Variants in TAOK1 observed in about 807,000 individuals in gnomAD.
The protein encoded by TAOK1 is serine/threonine-protein kinase TAO1.
Under a neutral mutation model 138.3 loss-of-function variants are expected in TAOK1, and 21 were observed. That is an observed-to-expected ratio of 0.15 (90% CI 0.11 to 0.22). The LOEUF is 0.22. TAOK1 is among the 10% of genes least tolerant of loss of function. The pLI, the probability that TAOK1 is intolerant of heterozygous loss-of-function variation, is 1.00. For synonymous variants in TAOK1, 361 were observed against 398.4 expected, an observed-to-expected ratio of 0.91 and a Z score of 1.12; for missense variants, 651 against 1,227.7, an observed-to-expected ratio of 0.53 and a Z score of 7.02.
intron 1 of TAOK1, among the ~76,000 whole-genome samples, chr17:29,410,173 G>T (rs1905103068): frequency 1.3e-5 from 2 of 152,160 alleles, no homozygotes; most frequent in Non-Finnish European, 2.9e-5. Context: ...TCAGTTCATT[G>T]TCTGTAAAAT....
At chr17:29,509,734 C>A (rs2031686209) in intron 14 of TAOK1, among the ~76,000 whole-genome samples, 2 of 150,460 alleles carry the variant, frequency 1.3e-5, no homozygotes, top group African/African-American at 4.9e-5. Flanking sequence ...TCTCCACACA[C>A]AAAAAAAATA....
At chr17:29,463,495 C>T (rs887198474) in intron 2 of TAOK1, among the ~76,000 whole-genome samples, 19 of 151,046 alleles carry the variant, frequency 1.3e-4, no homozygotes, top group Middle Eastern at 3.4e-3. Flanking sequence ...CACTTGAACC[C>T]GGGAGGTGGA....
At chr17:29,401,200 C>G (rs1407335682) in intron 1 of TAOK1, among the ~76,000 whole-genome samples, 2 of 152,104 alleles carry the variant, frequency 1.3e-5, no homozygotes, top group African/African-American at 4.8e-5. Flanking sequence ...CAGGTGTAAG[C>G]TATTGTGCTC....
Position 29,496,734 on chromosome 17 carries a change from C to T in TAOK1, c.999+1007C>T, listed in dbSNP as rs369348945. ...TCCCGAATAGCTGGGACTACAGGTG[C>T]GCCACCACGCCCAACTAATTTTTTG... On this transcript the variant is annotated intron_variant, in intron 11 of 19. Coordinates refer to ENST00000261716, the MANE Select transcript of TAOK1 (RefSeq NM_020791.4). Among the ~76,000 whole-genome samples, 4 of 151,268 alleles carry T rather than the reference C, an allele frequency of 2.6e-5. No homozygotes were observed. The East Asian group carries it at 5.9e-4, about 22-fold the overall frequency.
At chr17:29,490,218 T>C (rs1265141104) in intron 9 of TAOK1, among the ~76,000 whole-genome samples, 2 of 152,104 alleles carry the variant, frequency 1.3e-5, no homozygotes, top group African/African-American at 4.8e-5. Flanking sequence ...ATTAAAAATA[T>C]TGGGATCACT....
In TAOK1 at chr17:29,478,246, T is replaced by C; in HGVS notation, c.353-5T>C. On this transcript the variant is annotated splice_region_variant and splice_polypyrimidine_tract_variant and intron_variant, in intron 5 of 19. Transcript: ENST00000261716. ...TGTATTAATTATTTTGAAATAAATTTTAAGTTCACAAAAAGCCATTACAAG... is the reference window on the plus strand; with the variant it reads ...TGTATTAATTATTTTGAAATAAATTCTAAGTTCACAAAAAGCCATTACAAG... The C allele has an allele frequency of 6.3e-7, 1 of 1,585,958 alleles. No homozygotes were observed. The highest frequency in any genetic ancestry group is 1.8e-5 in the Admixed American group (1 of 54,822).
intron 2 of TAOK1, among the ~76,000 whole-genome samples, chr17:29,456,718 A>G (rs1047662207): frequency 6.6e-5 from 10 of 150,412 alleles, no homozygotes; most frequent in Admixed American, 5.9e-4. Context: ...GTTCTCATAT[A>G]GTTCTATTTC....
chr17:29,418,436 C>T (rs1905322591), intron 1 of TAOK1, among the ~76,000 whole-genome samples: 1 of 151,886 alleles, frequency 6.6e-6, no homozygotes, highest in South Asian at 2.1e-4. Flanking sequence ...AACTCCTGAC[C>T]TCAAGTGATC....
At chr17:29,394,150 G>GTTTTGTTTTTTT (rs1904514488) in intron 1 of TAOK1, among the ~76,000 whole-genome samples, 6 of 48,246 alleles carry the variant, frequency 1.2e-4, no homozygotes, top group Non-Finnish European at 1.8e-4. Context: ...TAATTTGCCA[G>GTTTTGTTTTTTT]TTTTTTTTTT....
At position 29,447,364 on chromosome 17, in the gene TAOK1, G is replaced by A. The variant is rs537168145; in HGVS notation, c.-94-4091G>A. 5.3e-5 allele frequency among the ~76,000 whole-genome samples: 8 copies of A among 152,040 alleles called. No homozygotes were observed. The East Asian group carries it at 9.7e-4, about 18-fold the overall frequency. On this transcript the variant is annotated intron_variant, in intron 1 of 19. Transcript: ENST00000261716. ...ATCTTATTATTTGAGACAGGGTCTC[G>A]CTGTGTCACCCAGACTGGAGGGCAA...
chr17:29,528,671 C>T (rs935625330), intron 17 of TAOK1, among the ~76,000 whole-genome samples: 5 of 151,544 alleles, frequency 3.3e-5, no homozygotes, highest in African/African-American at 4.9e-5. Flanking sequence ...GAAACCCTGT[C>T]TCTACTAAAA....
At chr17:29,483,472 G>T (rs1320423998) in intron 8 of TAOK1, among the ~76,000 whole-genome samples, 1 of 152,176 alleles carries the variant, frequency 6.6e-6, no homozygotes, top group Admixed American at 6.5e-5. Flanking sequence ...ACTCGAGTTT[G>T]TCAGTAGTTT....
chr17:29,475,560 A>G, intron 3 of TAOK1, 110 bp from the exon 4 acceptor site: 2 of 729,472 alleles, frequency 2.7e-6, no homozygotes, highest in East Asian at 2.9e-5. Flanking sequence ...AAACCAAGCA[A>G]AGTTGCATGT....
chr17:29,406,138 A>G (rs1052604703), intron 1 of TAOK1, among the ~76,000 whole-genome samples: 2 of 152,140 alleles, frequency 1.3e-5, no homozygotes, highest in Non-Finnish European at 2.9e-5. Flanking sequence ...GATCTGTGCT[A>G]TGCATTATAG....
At chr17:29,508,178 GT>G (rs1245757915) in intron 14 of TAOK1, 46 bp downstream of exon 14, 1 of 1,535,054 alleles carries the variant, frequency 6.5e-7, no homozygotes, top group South Asian at 1.1e-5. Context: ...GGTTTTGAAT[GT>G]CTCAGAATTA....
intron 1 of TAOK1, among the ~76,000 whole-genome samples, chr17:29,396,173 G>GGACT: frequency 6.6e-6 from 1 of 151,936 alleles, no homozygotes. Flanking sequence ...TTGTGTGGAG[G>GGACT]GACTAGCAGC....
chr17:29,444,536 C>T (rs1046973596), intron 1 of TAOK1, among the ~76,000 whole-genome samples: 19 of 152,086 alleles, frequency 1.2e-4, no homozygotes, highest in South Asian at 1.0e-3. Flanking sequence ...TGACTTTTTC[C>T]TGTCTTCTAA....
chr17:29,475,113 G>A (rs1479108323), intron 3 of TAOK1, among the ~76,000 whole-genome samples: 1 of 151,872 alleles, frequency 6.6e-6, no homozygotes, highest in South Asian at 2.1e-4. Flanking sequence ...GCTAATTTTT[G>A]TATTTTTAGT....
intron 1 of TAOK1, among the ~76,000 whole-genome samples, chr17:29,421,487 G>T (rs140013013): frequency 6.6e-6 from 1 of 152,126 alleles, no homozygotes; most frequent in Non-Finnish European, 1.5e-5. Flanking sequence ...TGTAGAACTG[G>T]TATTATTTTT....
Sources: gnomAD v4.1 joint callset for allele counts (sites outside exome capture counted in the v4.1 genomes callset) on GRCh38, gnomAD v4.1.1 for gene constraint, MANE v1.5 for transcripts, NCBI Gene and HGNC (gene_info 2026-07-23, HGNC 2026-07-21) for gene names.